The following BABAM2 variants were observed in gnomAD, a reference collection of about 807,000 sequenced individuals.
BABAM2 encodes the protein BRISC and BRCA1 A complex member 2, also known as BRISC and BRCA1-A complex member 2.
BABAM2 carries 31 observed loss-of-function variants against 54.7 expected under a neutral mutation model. The ratio of observed to expected loss-of-function variants is 0.57; its 90% CI spans 0.43 to 0.77. BABAM2 has a LOEUF of 0.77. Ranked by LOEUF, BABAM2 falls within the 30% of genes least tolerant of loss-of-function variation. The pLI is 0.00. For missense variants in BABAM2, 364 were observed against 455.8 expected, an observed-to-expected ratio of 0.80 and a Z score of 1.83; for synonymous variants, 167 against 162.9, an observed-to-expected ratio of 1.03 and a Z score of -0.19.
Position 28,298,328 on chromosome 2 carries a change from G to A in BABAM2, c.935-10G>A, listed in dbSNP as rs1421662029. ...CTCTAACTTTCTTTTTCTTTCTTCTGTCTTTGCAGTTGACCTGCCTCTGTT... is the reference window on the plus strand; with the variant it reads ...CTCTAACTTTCTTTTTCTTTCTTCTATCTTTGCAGTTGACCTGCCTCTGTT... On this transcript the variant is annotated splice_polypyrimidine_tract_variant and intron_variant, in intron 10 of 11. Transcript: ENST00000379624. 3.1e-6 allele frequency: 5 copies of A among 1,609,724 alleles called. No homozygotes were observed. The South Asian group carries it at 4.4e-5, about 14-fold the overall frequency.
intron 2 of BABAM2, among the ~76,000 whole-genome samples, chr2:27,913,547 G>A (rs963595829): frequency 1.3e-5 from 2 of 152,122 alleles, no homozygotes; most frequent in African/African-American, 4.8e-5. Context: ...CAGTTAGTTG[G>A]ATCAGTAAAA....
chr2:28,242,344 T>C (rs1682524067), intron 9 of BABAM2, among the ~76,000 whole-genome samples: 1 of 152,214 alleles, frequency 6.6e-6, no homozygotes, highest in African/African-American at 2.4e-5. Flanking sequence ...GGCTGCTCCA[T>C]CCCTGTGCCT....
At chr2:28,009,006 T>C (rs1018471098) in intron 4 of BABAM2, among the ~76,000 whole-genome samples, 1 of 152,084 alleles carries the variant, frequency 6.6e-6, no homozygotes, top group African/African-American at 2.4e-5. Flanking sequence ...AGTGGAAAGC[T>C]CTAGTGGGTG....
At chr2:27,932,078 A>G (rs574251262) in intron 3 of BABAM2, among the ~76,000 whole-genome samples, 3 of 152,226 alleles carry the variant, frequency 2.0e-5, no homozygotes, top group East Asian at 1.9e-4. Flanking sequence ...GAATCTATGT[A>G]TCGTAGATTC....
At chr2:28,109,027 A>G (rs1268659861) in intron 6 of BABAM2, among the ~76,000 whole-genome samples, 1 of 152,100 alleles carries the variant, frequency 6.6e-6, no homozygotes, top group East Asian at 1.9e-4. Context: ...TTAATATACT[A>G]GAAATATTTT....
chr2:28,103,134 T>A (rs1667223315), intron 6 of BABAM2, among the ~76,000 whole-genome samples: 1 of 151,056 alleles, frequency 6.6e-6, no homozygotes, highest in South Asian at 2.1e-4. Context: ...ATACTTGAAC[T>A]TATTGAGTAA....
At chr2:28,088,444 C>T (rs751429983) in intron 6 of BABAM2, among the ~76,000 whole-genome samples, 1 of 152,172 alleles carries the variant, frequency 6.6e-6, no homozygotes, top group Non-Finnish European at 1.5e-5. Flanking sequence ...CCTTGCCTAA[C>T]CCTAGGGCTT....
intron 2 of BABAM2, among the ~76,000 whole-genome samples, chr2:27,921,800 T>C (rs566841406): frequency 1.6e-4 from 24 of 152,370 alleles, no homozygotes; most frequent in African/African-American, 5.5e-4. Flanking sequence ...AAGTTTAAAT[T>C]CTGAGTTGTG....
chr2:27,916,861 G>A (rs1667007687), intron 2 of BABAM2, among the ~76,000 whole-genome samples: 1 of 152,054 alleles, frequency 6.6e-6, no homozygotes, highest in South Asian at 2.1e-4. Flanking sequence ...AATTAATCAT[G>A]TTAATTGCTT....
At chr2:27,999,777 G>A (rs1673451859) in intron 4 of BABAM2, among the ~76,000 whole-genome samples, 1 of 152,192 alleles carries the variant, frequency 6.6e-6, no homozygotes, top group African/African-American at 2.4e-5. Flanking sequence ...GTATACATTA[G>A]TTTTTCAGAG....
At chr2:27,893,052 C>G (rs1029523319) in intron 1 of BABAM2, among the ~76,000 whole-genome samples, 20 of 152,084 alleles carry the variant, frequency 1.3e-4, no homozygotes, top group African/African-American at 4.8e-4. Context: ...TTTATTTTAG[C>G]AAGGACTTGT....
At position 28,061,951 on chromosome 2, in the gene BABAM2, A is replaced by G. The variant is rs144360978; in HGVS notation, c.570+16152A>G. ...TTGTATTTGGTAGTAGATTCAAAACAGCATATAAACATTTCCAGGATTGTT... is the reference window on the plus strand; with the variant it reads ...TTGTATTTGGTAGTAGATTCAAAACGGCATATAAACATTTCCAGGATTGTT... On this transcript the variant is annotated intron_variant, in intron 6 of 11. Coordinates refer to ENST00000379624, the MANE Select transcript of BABAM2 (RefSeq NM_199191.3). 2.9e-3 allele frequency among the ~76,000 whole-genome samples: 439 copies of G among 152,160 alleles called. 3 individuals carry two copies. Among genetic ancestry groups the G allele is most frequent in the African/African-American group, 0.01 (426 of 41,516 alleles).
At chr2:28,196,321 C>CGTCTAAAA (rs1360883175) in intron 7 of BABAM2, among the ~76,000 whole-genome samples, 2 of 107,684 alleles carry the variant, frequency 1.9e-5, no homozygotes, top group African/African-American at 5.6e-5. Flanking sequence ...AGCAAGACTC[C>CGTCTAAAA]ATATAAAAAA....
intron 3 of BABAM2, among the ~76,000 whole-genome samples, chr2:27,973,340 C>T (rs1416802521): frequency 1.3e-5 from 2 of 152,098 alleles, no homozygotes; most frequent in Non-Finnish European, 2.9e-5. Context: ...TGGACCCTGG[C>T]ACTATGCACT....
chr2:28,173,789 C>T (rs1352723751), intron 7 of BABAM2, among the ~76,000 whole-genome samples: 3 of 152,198 alleles, frequency 2.0e-5, no homozygotes, highest in Non-Finnish European at 2.9e-5. Context: ...GTCAAGAAAT[C>T]AGTGACAGCT....
intron 7 of BABAM2, among the ~76,000 whole-genome samples, chr2:28,208,145 C>G (rs1223641453): frequency 2.6e-5 from 4 of 152,024 alleles, no homozygotes; most frequent in Non-Finnish European, 4.4e-5. Flanking sequence ...AAGATACTTT[C>G]AGGCAGGTCG....
intron 10 of BABAM2, among the ~76,000 whole-genome samples, chr2:28,249,192 G>A (rs1683197436): frequency 6.6e-6 from 1 of 151,334 alleles, no homozygotes; most frequent in South Asian, 2.1e-4. Flanking sequence ...GAGTTCAAGC[G>A]TTTCTTCTGC....
intron 7 of BABAM2, among the ~76,000 whole-genome samples, chr2:28,218,961 A>C (rs1421398131): frequency 2.6e-5 from 4 of 152,174 alleles, no homozygotes; most frequent in African/African-American, 4.8e-5. Context: ...GCCTCATTTC[A>C]TCATGTTTCC....
chr2:28,124,773 T>A (rs1669362983), intron 6 of BABAM2, among the ~76,000 whole-genome samples: 1 of 152,154 alleles, frequency 6.6e-6, no homozygotes, highest in South Asian at 2.1e-4. Context: ...ACTTCTTATA[T>A]CATGCCACCT....
Sources: gnomAD v4.1 joint callset for allele counts (sites outside exome capture counted in the v4.1 genomes callset) on GRCh38, gnomAD v4.1.1 for gene constraint, MANE v1.5 for transcripts, NCBI Gene and HGNC (gene_info 2026-07-23, HGNC 2026-07-21) for gene names.